Variants in CDH7 observed in about 807,000 individuals in gnomAD.
CDH7 encodes cadherin-7.
CDH7 carries 25 observed loss-of-function variants against 71.8 expected under a neutral mutation model. The ratio of observed to expected loss-of-function variants is 0.35; its 90% confidence interval spans 0.25 to 0.49. CDH7 has a LOEUF of 0.49. CDH7 is among the 20% of genes least tolerant of loss of function. The pLI is 0.99. For synonymous variants in CDH7, 381 were observed against 363.8 expected, an observed-to-expected ratio of 1.05 and a Z score of -0.54; for missense variants, 862 against 974.6, an observed-to-expected ratio of 0.88 and a Z score of 1.54.
chr18:65,759,764 A>G (rs1916140227), intron 1 of CDH7, among the ~76,000 whole-genome samples: 2 of 152,220 alleles, frequency 1.3e-5, no homozygotes, highest in African/African-American at 4.8e-5. Flanking sequence ...TGGAGCTTGT[A>G]GGACAATGAG....
At chr18:65,791,768 G>A (rs1239301239) in intron 2 of CDH7, among the ~76,000 whole-genome samples, 1 of 152,188 alleles carries the variant, frequency 6.6e-6, no homozygotes, top group Non-Finnish European at 1.5e-5. Context: ...CTCACTCTGG[G>A]ATTCTGTTCA....
At chr18:65,776,401 C>CACACACACAGAGAG (rs1370490839) in intron 2 of CDH7, among the ~76,000 whole-genome samples, 2 of 124,676 alleles carry the variant, frequency 1.6e-5, no homozygotes, top group African/African-American at 6.8e-5. Context: ...CACACACACA[C>CACACACACAGAGAG]AGAGAGAGAG....
intron 2 of CDH7, among the ~76,000 whole-genome samples, chr18:65,781,753 T>TCTTC (rs1910197825): frequency 3.3e-5 from 1 of 30,562 alleles, no homozygotes; most frequent in Admixed American, 3.2e-4. Flanking sequence ...TTGGTTGATT[T>TCTTC]CTTTCTTTCT....
In CDH7 at chr18:65,779,766, G is replaced by A. The variant is rs1224828307; in HGVS notation, c.210+16714G>A. ...GTGAATAGTGCCGCAATAAACATACGTGTGCATGTGTCTTTATAGCAGCAT... is the reference window on the plus strand; with the variant it reads ...GTGAATAGTGCCGCAATAAACATACATGTGCATGTGTCTTTATAGCAGCAT... On this transcript the variant is annotated intron_variant, in intron 2 of 11. Transcript: ENST00000397968. Among the ~76,000 whole-genome samples, 40 of 54,066 alleles carry A rather than the reference G, an allele frequency of 7.4e-4. 2 individuals are homozygous for A. In the East Asian group the frequency reaches 0.01, roughly 14 times the overall value. 35.5% of individuals were successfully genotyped at this position (54,066 alleles called of 152,430 possible).
intron 1 of CDH7, among the ~76,000 whole-genome samples, chr18:65,760,868 G>A (rs1261922565): frequency 6.6e-6 from 1 of 152,114 alleles, no homozygotes; most frequent in Non-Finnish European, 1.5e-5. Flanking sequence ...GCACGTCCCT[G>A]CCTTTTTAAA....
At chr18:65,807,380 GA>G (rs1911362430) in intron 2 of CDH7, among the ~76,000 whole-genome samples, 1 of 152,158 alleles carries the variant, frequency 6.6e-6, no homozygotes, top group Non-Finnish European at 1.5e-5. Context: ...ACCATGCCAG[GA>G]AAACAGTGAT....
intron 6 of CDH7, among the ~76,000 whole-genome samples, chr18:65,842,691 C>T (rs1340308357): frequency 1.3e-5 from 2 of 151,778 alleles, no homozygotes; most frequent in Admixed American, 6.6e-5. Flanking sequence ...GGAATAAATG[C>T]GTGCCTGCAT....
At chr18:65,829,736 C>T (rs901413139) in intron 6 of CDH7, among the ~76,000 whole-genome samples, 2 of 148,906 alleles carry the variant, frequency 1.3e-5, no homozygotes, top group Middle Eastern at 3.2e-3. Flanking sequence ...AGAAGCACAG[C>T]GCCTGTACCA....
chr18:65,792,941 A>T (rs1449598715), intron 2 of CDH7, among the ~76,000 whole-genome samples: 1 of 152,172 alleles, frequency 6.6e-6, no homozygotes, highest in Admixed American at 6.5e-5. Flanking sequence ...CCCACCTCTG[A>T]GACCCTGCCT....
intron 10 of CDH7, among the ~76,000 whole-genome samples, chr18:65,861,567 C>T (rs906135398): frequency 2.0e-5 from 3 of 152,132 alleles, no homozygotes; most frequent in Non-Finnish European, 4.4e-5. Context: ...CAAATTCATA[C>T]ATTCTAAAAT....
intron 11 of CDH7, 54 bp from the exon 12 acceptor site, chr18:65,880,347 G>C: frequency 1.3e-6 from 2 of 1,500,754 alleles, no homozygotes; most frequent in Non-Finnish European, 1.8e-6. Flanking sequence ...TTACCATGAC[G>C]TGGGGCAATG....
chr18:65,809,805 T>G lies in CDH7; in HGVS notation c.312T>G (p.Ile104Met). ...IFIIDENTGD[I>M]HATKRLDREE... Reference sequence around the variant, plus strand: ...TTATTGATGAGAACACTGGGGATATTCATGCCACCAAGAGACTGGATCGTG... The same window carrying G: ...TTATTGATGAGAACACTGGGGATATGCATGCCACCAAGAGACTGGATCGTG... Residue 104 changes from isoleucine to methionine, a missense_variant, in exon 3 of 12, where the codon ATT (isoleucine) becomes ATG (methionine). Coordinates refer to ENST00000397968, the MANE Select transcript of CDH7 (RefSeq NM_004361.5). The G allele has an allele frequency of 6.2e-7, 1 of 1,614,044 alleles. No individual in the cohort carries two copies. The highest frequency in any genetic ancestry group is 1.1e-5 in the South Asian group (1 of 91,074).
intron 7 of CDH7, among the ~76,000 whole-genome samples, chr18:65,849,961 C>T (rs574772981): frequency 1.2e-3 from 187 of 151,654 alleles, no homozygotes; most frequent in Non-Finnish European, 2.2e-3. Flanking sequence ...GCCAGGAATT[C>T]GAGACCAGCC....
At chr18:65,759,677 G>A (rs1916136759) in intron 1 of CDH7, among the ~76,000 whole-genome samples, 1 of 152,132 alleles carries the variant, frequency 6.6e-6, no homozygotes, top group South Asian at 2.1e-4. Context: ...GACTTTATAA[G>A]ATAATTGAGT....
At chr18:65,813,783 A>G (rs1911627430) in intron 3 of CDH7, among the ~76,000 whole-genome samples, 2 of 152,216 alleles carry the variant, frequency 1.3e-5, no homozygotes, top group Admixed American at 1.3e-4. Context: ...ATGTGTGAAT[A>G]TATAGTAAAT....
chr18:65,846,649 A>G (rs1360330466), intron 7 of CDH7, among the ~76,000 whole-genome samples: 1 of 152,004 alleles, frequency 6.6e-6, no homozygotes, highest in South Asian at 2.1e-4. Context: ...CAGTCTCCTT[A>G]TTTTATAATT....
At chr18:65,847,029 C>CTCATAT (rs1001364244) in intron 7 of CDH7, among the ~76,000 whole-genome samples, 13 of 151,706 alleles carry the variant, frequency 8.6e-5, no homozygotes, top group Admixed American at 5.9e-4. Context: ...TTGTCTTGTA[C>CTCATAT]TCACGCGTAT....
intron 7 of CDH7, among the ~76,000 whole-genome samples, chr18:65,853,863 G>A (rs1273805989): frequency 8.5e-6 from 1 of 117,754 alleles, no homozygotes; most frequent in African/African-American, 3.1e-5. Flanking sequence ...ATGCATAAAT[G>A]AATAAATGGA....
chr18:65,875,182 T>G (rs371938116), intron 11 of CDH7, among the ~76,000 whole-genome samples: 1 of 152,218 alleles, frequency 6.6e-6, no homozygotes, highest in South Asian at 2.1e-4. Flanking sequence ...ACACCCCTGC[T>G]GTAGAGCAAA....
Sources: allele counts gnomAD v4.1 joint callset (sites outside exome capture counted in the v4.1 genomes callset), GRCh38; gene constraint gnomAD v4.1.1; transcripts MANE v1.5; gene names NCBI Gene and HGNC (gene_info 2026-07-23, HGNC 2026-07-21).